Variants in HADHB observed in about 807,000 individuals in gnomAD.
HADHB encodes the protein hydroxyacyl-CoA dehydrogenase trifunctional multienzyme complex subunit beta.
A neutral mutation model predicts 61.9 loss-of-function variants in HADHB; 50 were observed. The ratio of observed to expected loss-of-function variants is 0.81; its 90% CI spans 0.64 to 1.02. HADHB has a LOEUF of 1.02. Among genes scored for constraint, HADHB ranks in the 50% least tolerant of loss-of-function variants. The probability of loss-of-function intolerance (pLI) is 0.00; values close to 1 mark genes in which losing one functional copy is unlikely to be tolerated. For missense variants in HADHB, 504 were observed against 586.5 expected, an observed-to-expected ratio of 0.86 and a Z score of 1.45; for synonymous variants, 191 against 201.6, an observed-to-expected ratio of 0.95 and a Z score of 0.45.
chr2:26,285,573 T>C lies in HADHB; in HGVS notation c.1389+2T>C, dbSNP rs760513370. Reference sequence around the variant, plus strand: ...GCTGCGTGTGCAGCTGGAGGGCAGGTACGTTACAGTGGTGTCATAGGACCC... The same window carrying C: ...GCTGCGTGTGCAGCTGGAGGGCAGGCACGTTACAGTGGTGTCATAGGACCC... On this transcript the variant is annotated splice_donor_variant, in intron 15 of 15. Transcript: ENST00000317799. LOFTEE classifies it high-confidence loss of function. 6.2e-7 allele frequency: 1 copy of C among 1,610,972 alleles called. No homozygotes were observed. Among genetic ancestry groups the C allele is most frequent in the Non-Finnish European group, 8.5e-7 (1 of 1,177,332 alleles).
intron 6 of HADHB, among the ~76,000 whole-genome samples, chr2:26,276,582 T>C (rs1214416692): frequency 1.3e-5 from 2 of 152,242 alleles, no homozygotes; most frequent in African/African-American, 4.8e-5. Context: ...GTCAGTTCTT[T>C]AGAAATCATT....
At chr2:26,245,692 T>G (rs959230347) in intron 1 of HADHB, among the ~76,000 whole-genome samples, 3 of 152,104 alleles carry the variant, frequency 2.0e-5, no homozygotes, top group African/African-American at 7.2e-5. Flanking sequence ...TGAAGAGTTC[T>G]TCATTGCATG....
chr2:26,286,369 GCTGTTCAGCT>G (rs1300562210), intron 15 of HADHB, among the ~76,000 whole-genome samples: 1 of 152,092 alleles, frequency 6.6e-6, no homozygotes, highest in Non-Finnish European at 1.5e-5. Flanking sequence ...ATAACTTACT[GCTGTTCAGCT>G]GGGGAAATAT....
At chr2:26,258,176 C>G (rs996922605) in intron 3 of HADHB, among the ~76,000 whole-genome samples, 18 of 152,140 alleles carry the variant, frequency 1.2e-4, no homozygotes, top group African/African-American at 4.1e-4. Flanking sequence ...TGTTTCAATA[C>G]TTTTATGTAC....
chr2:26,267,497 T>G (rs931967606), intron 4 of HADHB, among the ~76,000 whole-genome samples: 9 of 152,086 alleles, frequency 5.9e-5, no homozygotes, highest in Admixed American at 5.9e-4. Context: ...GAGTCTAATC[T>G]GATATAAATA....
Position 26,260,671 on chromosome 2 carries a change from G to A in HADHB, c.110-2709G>A. The A allele has an allele frequency of 1.1e-5, 3 of 268,738 alleles. No homozygotes were observed. The South Asian group carries it at 1.8e-4, about 16-fold the overall frequency. The allele number at this position is 268,738 out of a possible 1,614,324, so 16.6% of individuals were successfully genotyped here. On this transcript the variant is annotated intron_variant, in intron 3 of 15. Transcript: ENST00000317799. ...CATTGTAGGGACATCACAAAGCTAAGGGTTTTTTGGTGTAGTAATGGACCC... is the reference window on the plus strand; with the variant it reads ...CATTGTAGGGACATCACAAAGCTAAAGGTTTTTTGGTGTAGTAATGGACCC...
At chr2:26,286,366 A>C (rs1673033198) in intron 15 of HADHB, among the ~76,000 whole-genome samples, 1 of 152,220 alleles carries the variant, frequency 6.6e-6, no homozygotes, top group African/African-American at 2.4e-5. Context: ...TGGATAACTT[A>C]CTGCTGTTCA....
At chr2:26,245,811 T>A (rs1351957890) in intron 1 of HADHB, among the ~76,000 whole-genome samples, 3 of 152,130 alleles carry the variant, frequency 2.0e-5, no homozygotes, top group Non-Finnish European at 4.4e-5. Context: ...CTTCATACCT[T>A]TTTGTTTAGT....
At chr2:26,258,287 C>T (rs1464820709) in intron 3 of HADHB, among the ~76,000 whole-genome samples, 1 of 152,164 alleles carries the variant, frequency 6.6e-6, no homozygotes, top group Admixed American at 6.5e-5. Flanking sequence ...TGGCGGCAAG[C>T]CTTTTTTTCT....
chr2:26,247,536 G>A (rs1052391818), intron 1 of HADHB, among the ~76,000 whole-genome samples: 4 of 152,046 alleles, frequency 2.6e-5, no homozygotes, highest in Non-Finnish European at 5.9e-5. Context: ...TTGTATATTT[G>A]TATATATTTA....
intron 1 of HADHB, chr2:26,245,376 G>A (rs1329218170): frequency 6.5e-6 from 1 of 152,734 alleles, no homozygotes; most frequent in African/African-American, 2.4e-5. Flanking sequence ...ACCCAGGTCG[G>A]CGGCTATAGA....
intron 6 of HADHB, among the ~76,000 whole-genome samples, chr2:26,276,677 C>T (rs1034227288): frequency 6.6e-6 from 1 of 152,162 alleles, no homozygotes; most frequent in Non-Finnish European, 1.5e-5. Flanking sequence ...GACTCCACCC[C>T]ATAATATATT....
At chr2:26,266,565 G>C (rs955707535) in intron 4 of HADHB, among the ~76,000 whole-genome samples, 3 of 151,996 alleles carry the variant, frequency 2.0e-5, no homozygotes, top group African/African-American at 7.3e-5. Flanking sequence ...AGGAGTGTGA[G>C]AGTATGAGAA....
intron 4 of HADHB, among the ~76,000 whole-genome samples, chr2:26,264,591 G>T (rs1355331381): frequency 1.4e-5 from 2 of 144,610 alleles, no homozygotes; most frequent in Non-Finnish European, 3.0e-5. Flanking sequence ...GCACAGTATT[G>T]TGTATAGTGT....
chr2:26,287,077 G>A (rs1673066045), intron 15 of HADHB, among the ~76,000 whole-genome samples: 5 of 151,884 alleles, frequency 3.3e-5, no homozygotes, highest in South Asian at 2.1e-4. Flanking sequence ...GGTGGTGTGC[G>A]CCTGTAATTC....
intron 3 of HADHB, among the ~76,000 whole-genome samples, chr2:26,255,622 C>T (rs1000776570): frequency 6.6e-6 from 1 of 152,030 alleles, no homozygotes; most frequent in Non-Finnish European, 1.5e-5. Context: ...GGTCACTTTA[C>T]TTCCCTGTGC....
intron 1 of HADHB, among the ~76,000 whole-genome samples, chr2:26,252,981 C>T (rs970920475): frequency 1.3e-5 from 2 of 152,178 alleles, no homozygotes; most frequent in Non-Finnish European, 2.9e-5. Flanking sequence ...ATATATCAAA[C>T]CTTTGAATCT....
At position 26,283,017 on chromosome 2, in the gene HADHB, G is replaced by A. The variant is rs1574667439; in HGVS notation, c.1027G>A (p.Val343Met). Residue 343 changes from valine (V) to methionine (M), a missense_variant, in exon 12 of 16, where the codon GTG becomes ATG. Val to Met is a conservative substitution (Grantham distance 21). Coordinates refer to ENST00000317799, the MANE Select transcript of HADHB (RefSeq NM_000183.3). ...PKAYLRDFMYVSQDPKDQLLL... is the reference protein window; with the variant it reads ...PKAYLRDFMYMSQDPKDQLLL... ...TTTTTTACCTAGGGATTTTATGTATGTGTCTCAGGATCCAAAAGATCAACT... is the reference window on the plus strand; with the variant it reads ...TTTTTTACCTAGGGATTTTATGTATATGTCTCAGGATCCAAAAGATCAACT... 6.2e-7 allele frequency: 1 copy of A among 1,609,216 alleles called. No homozygotes were observed.
intron 15 of HADHB, among the ~76,000 whole-genome samples, chr2:26,287,272 G>A (rs1673074391): frequency 6.6e-6 from 1 of 152,182 alleles, no homozygotes; most frequent in Admixed American, 6.5e-5. Flanking sequence ...CAGAGACTTT[G>A]CAGAAACCAA....
Sources: allele counts gnomAD v4.1 joint callset (sites outside exome capture counted in the v4.1 genomes callset), GRCh38; gene constraint gnomAD v4.1.1; transcripts MANE v1.5; gene names NCBI Gene and HGNC (gene_info 2026-07-23, HGNC 2026-07-21).